The following PCSK2 variants were observed in gnomAD, a reference collection of about 807,000 sequenced individuals.
The protein encoded by PCSK2 is proprotein convertase subtilisin/kexin type 2.
Under a neutral mutation model 69.7 loss-of-function variants are expected in PCSK2, and 14 were observed. The observed-to-expected ratio is 0.20, with a 90% CI of 0.13 to 0.31. The LOEUF (loss-of-function observed/expected upper bound fraction) is 0.31, where lower values mean the gene tolerates loss of function less well. Among genes scored for constraint, PCSK2 ranks in the 10% least tolerant of loss-of-function variants. The pLI, the probability that PCSK2 is intolerant of heterozygous loss-of-function variation, is 1.00. For synonymous variants in PCSK2, 307 were observed against 320.7 expected, an observed-to-expected ratio of 0.96 and a Z score of 0.46; for missense variants, 544 against 842.5, an observed-to-expected ratio of 0.65 and a Z score of 4.39.
intron 6 of PCSK2, among the ~76,000 whole-genome samples, chr20:17,414,392 G>C (rs994440132): frequency 3.3e-5 from 5 of 152,154 alleles, no homozygotes; most frequent in Non-Finnish European, 7.3e-5. Context: ...TACCATCAGA[G>C]AATACTATAA....
chr20:17,310,377 G>C (rs1989467358), intron 2 of PCSK2, among the ~76,000 whole-genome samples: 1 of 152,064 alleles, frequency 6.6e-6, no homozygotes, highest in African/African-American at 2.4e-5. Flanking sequence ...AAACAATCAT[G>C]ATAATATTTT....
intron 2 of PCSK2, among the ~76,000 whole-genome samples, chr20:17,280,162 A>C (rs1404422397): frequency 6.6e-6 from 1 of 152,178 alleles, no homozygotes; most frequent in Non-Finnish European, 1.5e-5. Flanking sequence ...TTTTAACCAA[A>C]ATTGAATTGT....
chr20:17,475,035 G>A (rs1249825593), intron 11 of PCSK2, among the ~76,000 whole-genome samples: 3 of 151,946 alleles, frequency 2.0e-5, no homozygotes, highest in Non-Finnish European at 4.4e-5. Flanking sequence ...TTGAGTACAT[G>A]TGCTTTATTG....
At chr20:17,424,318 T>C (rs895433599) in intron 6 of PCSK2, among the ~76,000 whole-genome samples, 12 of 152,148 alleles carry the variant, frequency 7.9e-5, no homozygotes, top group African/African-American at 2.7e-4. Context: ...GTTTGAAACA[T>C]GCAAAGAGTG....
At position 17,405,515 on chromosome 20, in the gene PCSK2, G is replaced by A. The variant is rs943361979; in HGVS notation, c.544-3748G>A. Among the ~76,000 whole-genome samples, 4 of 152,196 alleles carry A rather than the reference G, an allele frequency of 2.6e-5. No individual in the cohort carries two copies. The East Asian group carries it at 7.7e-4, about 29-fold the overall frequency. On this transcript the variant is annotated intron_variant, in intron 5 of 11. Transcript: ENST00000262545. The stretch of plus-strand genomic sequence containing the variant: ...GATAGACAAGCCCCAAATCCGAAAG[G>A]TGTCATCTGTGGGCCTGCGTCTTTG...
At chr20:17,347,774 A>G (rs1054512323) in intron 2 of PCSK2, among the ~76,000 whole-genome samples, 2 of 148,048 alleles carry the variant, frequency 1.4e-5, no homozygotes, top group Admixed American at 6.9e-5. Flanking sequence ...AAAACTGCTG[A>G]AAGACACATA....
chr20:17,314,350 G>A lies in PCSK2; in HGVS notation c.283-43977G>A, dbSNP rs751315067. Among the ~76,000 whole-genome samples, 20 of 152,266 alleles carry A rather than the reference G, an allele frequency of 1.3e-4. No individual in the cohort carries two copies. In the East Asian group the frequency reaches 2.3e-3, roughly 18 times the overall value. On this transcript the variant is annotated intron_variant, in intron 2 of 11. Transcript: ENST00000262545. ...TGCTGAGACATCTAGACTCAAACCC[G>A]GGACACAAGTGGGAATGAATCAAGC...
At chr20:17,432,555 T>C (rs774765548) in intron 7 of PCSK2, among the ~76,000 whole-genome samples, 1 of 152,226 alleles carries the variant, frequency 6.6e-6, no homozygotes, top group Non-Finnish European at 1.5e-5. Context: ...AAGGACCCCA[T>C]TCTTTCCTTC....
intron 2 of PCSK2, among the ~76,000 whole-genome samples, chr20:17,265,338 A>G (rs979566436): frequency 6.6e-6 from 1 of 152,134 alleles, no homozygotes; most frequent in Non-Finnish European, 1.5e-5. Flanking sequence ...AGGGATTTAT[A>G]CCCAAAGAAT....
chr20:17,350,414 C>T (rs1175984055), intron 2 of PCSK2, among the ~76,000 whole-genome samples: 1 of 151,848 alleles, frequency 6.6e-6, no homozygotes, highest in Non-Finnish European at 1.5e-5. Flanking sequence ...ACGTCCCTCA[C>T]CATCTTTGGA....
intron 2 of PCSK2, among the ~76,000 whole-genome samples, chr20:17,342,779 G>A (rs6080646): frequency 0.48 from 72,965 of 151,626 alleles, 18,275 homozygotes; most frequent in African/African-American, 0.54. Context: ...CTATAGGTGC[G>A]CACCACCACA....
chr20:17,388,146 G>A (rs545905870), intron 5 of PCSK2, among the ~76,000 whole-genome samples: 48 of 152,192 alleles, frequency 3.2e-4, no homozygotes, highest in Admixed American at 3.3e-4. Context: ...ATATCAGTAC[G>A]GGAAGGAAAA....
chr20:17,477,758 C>T (rs2033317275), intron 11 of PCSK2, among the ~76,000 whole-genome samples: 1 of 152,048 alleles, frequency 6.6e-6, no homozygotes, highest in Non-Finnish European at 1.5e-5. Flanking sequence ...AGTTATGATT[C>T]CACTCTCTGT....
chr20:17,267,671 GATGTTC>G (rs1206368670), intron 2 of PCSK2, among the ~76,000 whole-genome samples: 2 of 152,072 alleles, frequency 1.3e-5, no homozygotes, highest in Non-Finnish European at 2.9e-5. Context: ...TTTTTTTCTA[GATGTTC>G]ATTTTTAAAT....
intron 4 of PCSK2, among the ~76,000 whole-genome samples, chr20:17,364,438 C>T (rs1164476239): frequency 6.6e-6 from 1 of 152,200 alleles, no homozygotes; most frequent in Non-Finnish European, 1.5e-5. Context: ...TTAATAGACT[C>T]ACAGTTCCAT....
chr20:17,364,781 TCAC>T (rs1178526530), intron 4 of PCSK2, among the ~76,000 whole-genome samples: 3 of 152,210 alleles, frequency 2.0e-5, no homozygotes, highest in African/African-American at 7.2e-5. Flanking sequence ...TGGGCACTGC[TCAC>T]TCAGTGTTGC....
chr20:17,476,298 C>T (rs372175692), intron 11 of PCSK2, among the ~76,000 whole-genome samples: 1 of 152,298 alleles, frequency 6.6e-6, no homozygotes, highest in South Asian at 2.1e-4. Flanking sequence ...CATACATAAA[C>T]AATTTAGACC....
chr20:17,413,866 G>T lies in PCSK2; in HGVS notation c.620+4527G>T, dbSNP rs567929365. ...CACAGTGCAATCAAATTAGAACTCA[G>T]GATTAAGAAACTCACTCAAAACCAC... On this transcript the variant is annotated intron_variant, in intron 6 of 11. Transcript: ENST00000262545. Among the ~76,000 whole-genome samples, 8 of 152,298 alleles carry T rather than the reference G, an allele frequency of 5.3e-5. No individual in the cohort carries two copies. In the East Asian group the frequency reaches 1.5e-3, roughly 29 times the overall value.
At position 17,263,601 on chromosome 20, in the gene PCSK2, ATT is replaced by A. The variant is rs1987477880; in HGVS notation, c.282+3259_282+3260del. Among the ~76,000 whole-genome samples the A allele has an allele frequency of 3.3e-5, 5 of 152,300 alleles. No homozygotes were observed. In the South Asian group the frequency reaches 1.0e-3, roughly 32 times the overall value. Reference sequence around the variant, plus strand: ...TTTATATTTTCCTCCGTATCCCAAAATTTGTCTCCATTAGGAAATAAAAGTAC... The same window carrying A: ...TTTATATTTTCCTCCGTATCCCAAAATGTCTCCATTAGGAAATAAAAGTAC... On this transcript the variant is annotated intron_variant, in intron 2 of 11. Coordinates refer to ENST00000262545, the MANE Select transcript of PCSK2 (RefSeq NM_002594.5).
Sources: gnomAD v4.1 joint callset for allele counts (sites outside exome capture counted in the v4.1 genomes callset) on GRCh38, gnomAD v4.1.1 for gene constraint, MANE v1.5 for transcripts, NCBI Gene and HGNC (gene_info 2026-07-23, HGNC 2026-07-21) for gene names.